The following PGM2 variants were observed in gnomAD, a reference collection of about 807,000 sequenced individuals.
PGM2 encodes the protein phosphoglucomutase 2.
Under a neutral mutation model 74.6 loss-of-function variants are expected in PGM2, and 57 were observed. The observed-to-expected ratio is 0.76, with a 90% confidence interval of 0.62 to 0.95. The LOEUF (loss-of-function observed/expected upper bound fraction) is 0.95. Ranked by LOEUF, PGM2 falls within the 40% of genes least tolerant of loss-of-function variation. The probability of loss-of-function intolerance (pLI) is 0.00; values close to 1 mark genes in which losing one functional copy is unlikely to be tolerated. For missense variants in PGM2, 706 were observed against 741.9 expected, an observed-to-expected ratio of 0.95 and a Z score of 0.56; for synonymous variants, 273 against 260.7, an observed-to-expected ratio of 1.05 and a Z score of -0.46.
At chr4:37,835,527 AC>A (rs927191518) in intron 3 of PGM2, among the ~76,000 whole-genome samples, 7 of 152,188 alleles carry the variant, frequency 4.6e-5, no homozygotes, top group African/African-American at 1.7e-4. Context: ...ATGTTACATA[AC>A]CCTCTTTTTT....
At chr4:37,861,370 C>G (rs1711765638) in intron 13 of PGM2, 140 bp from the exon 14 acceptor site, 1 of 595,778 alleles carries the variant, frequency 1.7e-6, no homozygotes, top group East Asian at 2.5e-5. Flanking sequence ...ATGCTTAAGT[C>G]TCTGGAGTTC....
chr4:37,830,494 A>G (rs1322887592), intron 2 of PGM2, among the ~76,000 whole-genome samples: 1 of 152,216 alleles, frequency 6.6e-6, no homozygotes, highest in Non-Finnish European at 1.5e-5. Context: ...TTTTGCCATG[A>G]TTACATAGCA....
intron 6 of PGM2, among the ~76,000 whole-genome samples, chr4:37,842,739 C>T (rs879519279): frequency 1.4e-4 from 21 of 152,038 alleles, no homozygotes; most frequent in African/African-American, 4.3e-4. Flanking sequence ...TGGCTCACTG[C>T]GGCCTTGACC....
chr4:37,859,752 A>G (rs948658919), intron 13 of PGM2, among the ~76,000 whole-genome samples: 11 of 152,194 alleles, frequency 7.2e-5, no homozygotes, highest in Non-Finnish European at 1.2e-4. Flanking sequence ...AGAACACTGC[A>G]TTGTATTTAC....
Position 37,850,349 on chromosome 4 carries a change from T to C in PGM2, c.1578T>C (p.Asp526=). 1 of 1,560,668 alleles carries C rather than the reference T, an allele frequency of 6.4e-7. No individual in the cohort carries two copies. The highest frequency in any genetic ancestry group is 8.6e-7 in the Non-Finnish European group (1 of 1,162,170). Residue 526 remains aspartate (D), a synonymous_variant, in exon 12 of 14, where the codon GAT becomes GAC. Transcript: ENST00000381967. ...SAIRDLTTGY[D]DSQPDKKAVL... is the part of the protein sequence containing the mutation. The stretch of plus-strand genomic sequence containing the variant: ...TTAGGGACCTTACAACTGGCTATGA[T>C]GATAGCCAACCTGATAAAAAAGCTG...
chr4:37,861,450 A>C, intron 13 of PGM2, 60 bp from the exon 14 acceptor site: 2 of 1,127,552 alleles, frequency 1.8e-6, no homozygotes, highest in Non-Finnish European at 2.7e-6. Flanking sequence ...TGGGGGGAGC[A>C]TTTAAACTGT....
At chr4:37,860,438 G>A (rs911368426) in intron 13 of PGM2, among the ~76,000 whole-genome samples, 1 of 152,196 alleles carries the variant, frequency 6.6e-6, no homozygotes, top group African/African-American at 2.4e-5. Flanking sequence ...AGAAGATAAA[G>A]TCTTTATCCC....
chr4:37,829,242 T>C (rs1410702019), intron 1 of PGM2, among the ~76,000 whole-genome samples: 1 of 152,188 alleles, frequency 6.6e-6, no homozygotes, highest in Non-Finnish European at 1.5e-5. Context: ...AGCGTCTATT[T>C]GAAGCAGTTA....
chr4:37,856,113 C>T (rs945615533), intron 13 of PGM2, among the ~76,000 whole-genome samples: 5 of 152,094 alleles, frequency 3.3e-5, no homozygotes, highest in East Asian at 1.9e-4. Context: ...GGGCCGGGTG[C>T]GGTGGCTTAC....
chr4:37,831,119 G>A (rs1365246087), intron 2 of PGM2, among the ~76,000 whole-genome samples: 6 of 143,572 alleles, frequency 4.2e-5, no homozygotes, highest in East Asian at 2.0e-4. Flanking sequence ...GTTTGAACCC[G>A]GAAGGCAAGG....
chr4:37,852,976 A>G (rs1726094764), intron 12 of PGM2, among the ~76,000 whole-genome samples: 1 of 152,064 alleles, frequency 6.6e-6, no homozygotes, highest in Non-Finnish European at 1.5e-5. Flanking sequence ...CCTCCCCTGC[A>G]TTTTCAGTTC....
intron 6 of PGM2, among the ~76,000 whole-genome samples, chr4:37,841,851 C>T (rs3829705): frequency 0.082 from 12,521 of 152,236 alleles, 989 homozygotes; most frequent in East Asian, 0.18. Flanking sequence ...CGTGCATGCA[C>T]GTGCATGTGT....
rs201110657 is a variant in PGM2 at position 37,851,178 on chromosome 4, C to CT, written c.1602+807dup. On this transcript the variant is annotated intron_variant, in intron 12 of 13. Transcript: ENST00000381967. Reference sequence around the variant, plus strand: ...TCTCTCCCTGTCAGGAGTTCTCACACTTGCAGGAGCATCAGTAACCAAGAA... The same window carrying CT: ...TCTCTCCCTGTCAGGAGTTCTCACACTTTGCAGGAGCATCAGTAACCAAGAA... 2.5e-3 allele frequency among the ~76,000 whole-genome samples: 375 copies of CT among 152,266 alleles called. 2 individuals are homozygous for CT. Among genetic ancestry groups the CT allele is most frequent in the African/African-American group, 8.6e-3 (358 of 41,548 alleles).
intron 2 of PGM2, among the ~76,000 whole-genome samples, chr4:37,831,756 G>C (rs1247428960): frequency 6.6e-6 from 1 of 152,114 alleles, no homozygotes; most frequent in African/African-American, 2.4e-5. Flanking sequence ...TACCGTATTC[G>C]GTTTGTTAAA....
chr4:37,834,610 A>C lies in PGM2; in HGVS notation c.250-8A>C. On this transcript the variant is annotated splice_polypyrimidine_tract_variant and splice_region_variant and intron_variant, in intron 2 of 13. Coordinates refer to ENST00000381967, the MANE Select transcript of PGM2 (RefSeq NM_018290.4). ...AACATACTTTTTAAATCTATGGTGT[A>C]TTTGTAGGGATTTTGCAGATACCTG... 7.6e-7 allele frequency: 1 copy of C among 1,324,464 alleles called. No homozygotes were observed. Among genetic ancestry groups the C allele is most frequent in the South Asian group, 1.2e-5 (1 of 82,808 alleles). The allele number at this position is 1,324,464 out of a possible 1,614,324, so 82.0% of individuals were successfully genotyped here. A position where few individuals can be genotyped will look rare whatever the true frequency, so the allele number is the denominator to read the frequency against.
intron 3 of PGM2, among the ~76,000 whole-genome samples, 183 bp from the exon 4 acceptor site, chr4:37,837,346 T>G (rs1166275275): frequency 6.6e-6 from 1 of 152,244 alleles, no homozygotes; most frequent in Admixed American, 6.5e-5. Context: ...TGAAATGAGA[T>G]GACTCCTGAG....
At position 37,850,371 on chromosome 4, in the gene PGM2, G is replaced by A; in HGVS notation, c.1600G>A (p.Ala534Thr). 6.6e-7 allele frequency: 1 copy of A among 1,506,906 alleles called. No homozygotes were observed. The highest frequency in any genetic ancestry group is 8.9e-7 in the Non-Finnish European group (1 of 1,128,706). The allele number at this position is 1,506,906 out of a possible 1,614,324, so 93.3% of individuals were successfully genotyped here. Residue 534 changes from alanine (A) to threonine (T), a missense_variant and splice_region_variant, in exon 12 of 14, where the codon GCT becomes ACT. Physicochemically the swap from Ala to Thr is moderately conservative, Grantham distance 58. This residue lies in a region of PGM2 where 359 missense variants were observed against 371.1 expected (regional missense o/e 0.97). Coordinates refer to ENST00000381967, the MANE Select transcript of PGM2 (RefSeq NM_018290.4). ...GYDDSQPDKK[A>T]VLPTSKSSQM... Reference sequence around the variant, plus strand: ...TGATGATAGCCAACCTGATAAAAAAGCTGTAAGTAATGTCTTCTCTTTTCA... The same window carrying A: ...TGATGATAGCCAACCTGATAAAAAAACTGTAAGTAATGTCTTCTCTTTTCA...
intron 1 of PGM2, among the ~76,000 whole-genome samples, chr4:37,827,319 G>C (rs750837500): frequency 2.4e-4 from 36 of 152,186 alleles, no homozygotes; most frequent in Non-Finnish European, 2.9e-5. Flanking sequence ...TCCCGGGTGG[G>C]CCCGCCTGGC....
In PGM2 at chr4:37,861,581, A is replaced by G. The variant is rs774819890; in HGVS notation, c.1808A>G (p.Gln603Arg). 1.2e-5 allele frequency: 20 copies of G among 1,613,182 alleles called. No individual in the cohort carries two copies. The highest frequency in any genetic ancestry group is 1.7e-4 in the Middle Eastern group (1 of 6,058). The change falls in exon 14 of 14, where the codon CAG becomes CGG. Residue 603 changes from glutamine (Q) to arginine (R), a missense_variant. Gln to Arg is a conservative substitution (Grantham distance 43, BLOSUM62 1). This residue lies in a region of PGM2 where 359 missense variants were observed against 371.1 expected (regional missense o/e 0.97). Coordinates refer to ENST00000381967, the MANE Select transcript of PGM2 (RefSeq NM_018290.4). ...SAIEEHFFQP[Q>R]KYNLQPKAD ...ATTGAAGAACATTTTTTCCAGCCAC[A>G]GAAGTACAATCTGCAGCCAAAAGCA...
Sources: gnomAD v4.1 joint callset for allele counts (sites outside exome capture counted in the v4.1 genomes callset) on GRCh38, gnomAD v4.1.1 for gene constraint, gnomAD v4.1.1 regional missense constraint, MANE v1.5 for transcripts, NCBI Gene and HGNC (gene_info 2026-07-23, HGNC 2026-07-21) for gene names.